The following SSBP2 variants were observed in gnomAD, a reference collection of about 807,000 sequenced individuals.
SSBP2 encodes single-stranded DNA-binding protein 2.
Under a neutral mutation model 61.8 loss-of-function variants are expected in SSBP2, and 17 were observed. That is an observed-to-expected ratio of 0.28 (90% CI 0.19 to 0.41). The LOEUF is 0.41. Among genes scored for constraint, SSBP2 ranks in the 10% least tolerant of loss-of-function variants. The probability of loss-of-function intolerance (pLI) is 1.00; values close to 1 mark genes in which losing one functional copy is unlikely to be tolerated. For synonymous variants in SSBP2, 139 were observed against 141.3 expected (o/e 0.98, Z 0.12); for missense variants, 310 against 458.7 (o/e 0.68, Z 2.96).
chr5:81,736,177 C>T (rs1240239385), intron 1 of SSBP2, among the ~76,000 whole-genome samples: 26 of 130,684 alleles, frequency 2.0e-4, no homozygotes, highest in African/African-American at 8.1e-4. Flanking sequence ...CACACACACA[C>T]ACACACACAC....
intron 4 of SSBP2, among the ~76,000 whole-genome samples, chr5:81,541,408 A>G (rs1771259371): frequency 6.6e-6 from 1 of 152,320 alleles, no homozygotes; most frequent in African/African-American, 2.4e-5. Context: ...TCACAGAACT[A>G]GAACAAACGA....
chr5:81,589,677 A>G (rs1358339259), intron 4 of SSBP2, among the ~76,000 whole-genome samples: 8 of 152,202 alleles, frequency 5.3e-5, no homozygotes, highest in Admixed American at 2.0e-4. Context: ...AGCTAACACT[A>G]TATCTTGGTT....
intron 1 of SSBP2, among the ~76,000 whole-genome samples, chr5:81,662,646 AC>A (rs1441263444): frequency 6.6e-6 from 1 of 151,902 alleles, no homozygotes; most frequent in Non-Finnish European, 1.5e-5. Context: ...TACTAAGAAT[AC>A]AAAAATTAGC....
intron 1 of SSBP2, among the ~76,000 whole-genome samples, chr5:81,674,025 T>C (rs1364035161): frequency 1.3e-5 from 2 of 152,138 alleles, no homozygotes; most frequent in Admixed American, 6.6e-5. Context: ...ATCTCCTAAG[T>C]ACAAGATTAT....
chr5:81,435,232 C>T (rs1282064295), intron 15 of SSBP2, among the ~76,000 whole-genome samples: 3 of 152,154 alleles, frequency 2.0e-5, no homozygotes, highest in Non-Finnish European at 4.4e-5. Flanking sequence ...TTCGTTTGAT[C>T]TCCTCGTTAA....
chr5:81,537,819 T>C lies in SSBP2; in HGVS notation c.283-24102A>G, dbSNP rs540416531. ...CCCATCTCTGTCCCTCTCCTCAGGC[T>C]TCCCTATTCCCTGAGACACAACAAT... On this transcript the variant is annotated intron_variant, in intron 4 of 16. Transcript: ENST00000320672. Among the ~76,000 whole-genome samples, 9 of 152,254 alleles carry C rather than the reference T, an allele frequency of 5.9e-5. No homozygotes were observed. The East Asian group carries it at 1.7e-3, about 29-fold the overall frequency.
intron 1 of SSBP2, among the ~76,000 whole-genome samples, chr5:81,680,216 T>C (rs1053951058): frequency 1.3e-5 from 2 of 151,316 alleles, no homozygotes; most frequent in Admixed American, 6.6e-5. Context: ...AGCTTGCAGA[T>C]GAAGGATTGT....
intron 15 of SSBP2, among the ~76,000 whole-genome samples, chr5:81,433,606 A>AAG (rs1554063135): frequency 2.0e-5 from 3 of 150,870 alleles, no homozygotes; most frequent in African/African-American, 7.3e-5. Flanking sequence ...AAAAAAAAAA[A>AAG]AAAGAAAGAA....
chr5:81,437,941 T>C (rs890899359), intron 14 of SSBP2: 1 of 152,124 alleles, frequency 6.6e-6, no homozygotes, highest in African/African-American at 2.4e-5. Context: ...TATTAAAAAG[T>C]TGATAGCAAT....
At chr5:81,494,326 G>T (rs553157628) in intron 5 of SSBP2, among the ~76,000 whole-genome samples, 1 of 152,128 alleles carries the variant, frequency 6.6e-6, no homozygotes, top group Non-Finnish European at 1.5e-5. Flanking sequence ...TCTGACATAC[G>T]GAAACTACAT....
intron 1 of SSBP2, among the ~76,000 whole-genome samples, chr5:81,740,360 T>C (rs1756930216): frequency 6.6e-6 from 1 of 150,458 alleles, no homozygotes; most frequent in Non-Finnish European, 1.5e-5. Flanking sequence ...CCAGGATAGC[T>C]AGCGCTTAAA....
intron 4 of SSBP2, among the ~76,000 whole-genome samples, chr5:81,545,776 G>A (rs1361124246): frequency 6.6e-6 from 1 of 152,156 alleles, no homozygotes; most frequent in African/African-American, 2.4e-5. Context: ...TTAATAAACA[G>A]TCTTTAATTC....
chr5:81,504,846 T>C (rs1768058107), intron 5 of SSBP2, among the ~76,000 whole-genome samples: 1 of 152,238 alleles, frequency 6.6e-6, no homozygotes, highest in South Asian at 2.1e-4. Flanking sequence ...CTAAATATCA[T>C]TGACAATCTT....
chr5:81,630,948 T>C (rs1403346989), intron 3 of SSBP2, among the ~76,000 whole-genome samples: 1 of 152,122 alleles, frequency 6.6e-6, no homozygotes, highest in Middle Eastern at 3.2e-3. Flanking sequence ...CTGATCCAAG[T>C]CAGACTCCTA....
intron 4 of SSBP2, among the ~76,000 whole-genome samples, chr5:81,546,578 C>G (rs1418245436): frequency 2.0e-5 from 3 of 151,826 alleles, no homozygotes; most frequent in Non-Finnish European, 4.4e-5. Context: ...TACAATACGT[C>G]TTTGAGGTCA....
intron 1 of SSBP2, among the ~76,000 whole-genome samples, chr5:81,737,212 T>C (rs1756679583): frequency 6.6e-6 from 1 of 151,886 alleles, no homozygotes; most frequent in Admixed American, 6.6e-5. Context: ...TAAAACACTT[T>C]GGAGTTCACA....
chr5:81,716,776 G>T (rs1164569952), intron 1 of SSBP2, among the ~76,000 whole-genome samples: 2 of 152,078 alleles, frequency 1.3e-5, no homozygotes, highest in Non-Finnish European at 2.9e-5. Flanking sequence ...ATGCCTTATT[G>T]TAAGTACACT....
intron 1 of SSBP2, among the ~76,000 whole-genome samples, chr5:81,684,567 A>C (rs1752629048): frequency 6.6e-6 from 1 of 152,112 alleles, no homozygotes; most frequent in Admixed American, 6.5e-5. Flanking sequence ...ACGGAGTCAA[A>C]GGAGGTTATT....
intron 5 of SSBP2, among the ~76,000 whole-genome samples, chr5:81,509,484 G>A (rs879266645): frequency 2.6e-5 from 4 of 152,148 alleles, no homozygotes; most frequent in Non-Finnish European, 5.9e-5. Flanking sequence ...ATTATGACCA[G>A]AATCACACTA....
Sources: allele counts gnomAD v4.1 joint callset (sites outside exome capture counted in the v4.1 genomes callset), GRCh38; gene constraint gnomAD v4.1.1; transcripts MANE v1.5; gene names NCBI Gene and HGNC (gene_info 2026-07-23, HGNC 2026-07-21).